CASD1: variants seen among roughly 807,000 people sequenced by gnomAD.
CASD1 encodes the protein N-acetylneuraminate (7)9-O-acetyltransferase.
CASD1 carries 41 observed loss-of-function variants against 100.0 expected under a neutral mutation model. The ratio of observed to expected loss-of-function variants is 0.41; its 90% CI spans 0.32 to 0.53. CASD1 has a LOEUF of 0.53. CASD1 is among the 20% of genes least tolerant of loss of function. CASD1 has a pLI of 0.25. For synonymous variants in CASD1, 321 were observed against 315.6 expected, an observed-to-expected ratio of 1.02 and a Z score of -0.18; for missense variants, 774 against 948.7, an observed-to-expected ratio of 0.82 and a Z score of 2.42.
At position 94,541,259 on chromosome 7, in the gene CASD1, T is replaced by C. The variant is rs577681581; in HGVS notation, c.1356+2203T>C. 8.0e-4 allele frequency among the ~76,000 whole-genome samples: 121 copies of C among 152,128 alleles called. 2 individuals are homozygous for C. The Middle Eastern group carries it at 0.01, about 13-fold the overall frequency. On this transcript the variant is annotated intron_variant, in intron 10 of 17. Transcript: ENST00000297273. ...TGGATATTTGAGGGATTACTCGTAC[T>C]AAAAACTTTTAACTGTCATGATTAT...
At chr7:94,553,812 AAAT>A (rs1181807404) in intron 16 of CASD1, 1 of 151,438 alleles carries the variant, frequency 6.6e-6, no homozygotes, top group African/African-American at 2.4e-5. Flanking sequence ...ATAAATAAAT[AAAT>A]AAAAAGAAAA....
intron 10 of CASD1, among the ~76,000 whole-genome samples, chr7:94,541,127 T>C (rs1446479066): frequency 6.6e-6 from 1 of 152,044 alleles, no homozygotes; most frequent in Non-Finnish European, 1.5e-5. Flanking sequence ...AACTAACATA[T>C]CCCTGTTCTT....
chr7:94,565,465 C>T, the CASD1 span, among the ~76,000 whole-genome samples: 1 of 152,260 alleles, frequency 6.6e-6, no homozygotes, highest in African/African-American at 2.4e-5. Flanking sequence ...TGTCTGTTAA[C>T]TGCCTTCAGC....
At chr7:94,552,295 T>G (rs1346449872) in intron 15 of CASD1, 55 bp from the exon 16 acceptor site, 1 of 1,174,934 alleles carries the variant, frequency 8.5e-7, no homozygotes. Context: ...ACTGTGAGGC[T>G]TATGCCTCTT....
the CASD1 span, among the ~76,000 whole-genome samples, chr7:94,610,585 C>G: frequency 6.6e-6 from 1 of 152,032 alleles, no homozygotes; most frequent in Non-Finnish European, 1.5e-5. Flanking sequence ...GTAAATATGA[C>G]CTTGGATTAG....
At chr7:94,604,296 A>G in the CASD1 span, among the ~76,000 whole-genome samples, 57 of 152,158 alleles carry the variant, frequency 3.7e-4, no homozygotes, top group East Asian at 9.9e-3. Context: ...CAATGCTAGG[A>G]AAAAAATGAC....
chr7:94,601,776 AT>A, the CASD1 span, among the ~76,000 whole-genome samples: 1 of 152,042 alleles, frequency 6.6e-6, no homozygotes, highest in African/African-American at 2.4e-5. Context: ...CTAAATATGA[AT>A]TTCATTTATT....
chr7:94,539,427 C>T (rs889690248), intron 10 of CASD1, among the ~76,000 whole-genome samples: 3 of 151,794 alleles, frequency 2.0e-5, no homozygotes, highest in Admixed American at 6.6e-5. Context: ...CTAGCACTTT[C>T]GGAGGCCGAG....
intron 2 of CASD1, 65 bp from the exon 3 acceptor site, chr7:94,518,138 G>T (rs780410954): frequency 1.3e-4 from 180 of 1,397,544 alleles, no homozygotes; most frequent in Non-Finnish European, 1.6e-4. Flanking sequence ...CAAAAACGGT[G>T]TGCTTTGAAA....
At chr7:94,516,507 G>A (rs1385019015) in intron 1 of CASD1, among the ~76,000 whole-genome samples, 1 of 151,942 alleles carries the variant, frequency 6.6e-6, no homozygotes, top group South Asian at 2.1e-4. Context: ...TCCTTAGCCC[G>A]ACTTTAACTA....
chr7:94,630,628 T>C, the CASD1 span, among the ~76,000 whole-genome samples: 1 of 151,974 alleles, frequency 6.6e-6, no homozygotes, highest in East Asian at 1.9e-4. Flanking sequence ...TTGTTTTGAT[T>C]AGTTTCCACT....
At chr7:94,514,205 A>G (rs1197831763) in intron 1 of CASD1, among the ~76,000 whole-genome samples, 1 of 152,192 alleles carries the variant, frequency 6.6e-6, no homozygotes, top group Admixed American at 6.5e-5. Flanking sequence ...TGAAAGCTTC[A>G]GAAATTAGAG....
chr7:94,528,055 G>A (rs1470483009), intron 4 of CASD1, 133 bp from the exon 5 acceptor site: 1 of 643,972 alleles, frequency 1.6e-6, no homozygotes, highest in Non-Finnish European at 2.7e-6. Context: ...AATTAAGATA[G>A]GAATTGAAGA....
chr7:94,543,881 A>G (rs948198638), intron 10 of CASD1, among the ~76,000 whole-genome samples: 1 of 152,198 alleles, frequency 6.6e-6, no homozygotes, highest in Non-Finnish European at 1.5e-5. Flanking sequence ...ACCATAATAA[A>G]TGACATTAAG....
At chr7:94,577,565 T>C in the CASD1 span, among the ~76,000 whole-genome samples, 6 of 152,260 alleles carry the variant, frequency 3.9e-5, no homozygotes, top group East Asian at 7.7e-4. Flanking sequence ...GGTGAGAGCA[T>C]AGGGCCTTCT....
downstream of CASD1, among the ~76,000 whole-genome samples, chr7:94,559,717 G>A (rs895470895): frequency 6.6e-6 from 1 of 152,008 alleles, no homozygotes; most frequent in Non-Finnish European, 1.5e-5. Flanking sequence ...GTAGAGACGG[G>A]GTTTCACCGT....
the CASD1 span, chr7:94,586,683 G>A: frequency 4.7e-6 from 1 of 210,610 alleles, no homozygotes; most frequent in Non-Finnish European, 8.2e-6. Flanking sequence ...TATTTTTTTA[G>A]TAGAGACAGG....
chr7:94,608,349 TA>T, the CASD1 span, among the ~76,000 whole-genome samples: 1 of 151,938 alleles, frequency 6.6e-6, no homozygotes, highest in African/African-American at 2.4e-5. Flanking sequence ...TACTTAAATA[TA>T]AATATAAGTC....
chr7:94,546,961 A>G lies in CASD1; in HGVS notation c.1634-135A>G. 3 of 510,004 alleles carry G rather than the reference A, an allele frequency of 5.9e-6. No individual in the cohort carries two copies. In the South Asian group the frequency reaches 1.2e-4, roughly 21 times the overall value. 31.6% of individuals were successfully genotyped at this position (510,004 alleles called of 1,614,324 possible). On this transcript the variant is annotated intron_variant, in intron 12 of 17. Transcript: ENST00000297273. Reference sequence around the variant, plus strand: ...CTTGTAATTTATACTAACTGGATATATTTTGTGTATTCTTGTAAGCATTCT... The same window carrying G: ...CTTGTAATTTATACTAACTGGATATGTTTTGTGTATTCTTGTAAGCATTCT...
Sources: allele counts gnomAD v4.1 joint callset (sites outside exome capture counted in the v4.1 genomes callset), GRCh38; gene constraint gnomAD v4.1.1; transcripts MANE v1.5; gene names NCBI Gene and HGNC (gene_info 2026-07-23, HGNC 2026-07-21).